Variants in APPL2 observed in about 807,000 individuals in gnomAD.
The protein encoded by APPL2 is adaptor protein, phosphotyrosine interacting with PH domain and leucine zipper 2.
APPL2 carries 84 observed loss-of-function variants against 92.7 expected under a neutral mutation model. The observed-to-expected ratio is 0.91, with a 90% CI of 0.76 to 1.09. The LOEUF (loss-of-function observed/expected upper bound fraction) is 1.09, where lower values mean the gene tolerates loss of function less well. APPL2 is among the 50% of genes least tolerant of loss of function. APPL2 has a pLI of 0.00. For missense variants in APPL2, 736 were observed against 824.5 expected (o/e 0.89, Z 1.31); for synonymous variants, 291 against 291.0 (o/e 1.00, Z 0.00).
intron 9 of APPL2, among the ~76,000 whole-genome samples, chr12:105,201,776 C>T (rs944771756): frequency 6.6e-6 from 1 of 152,032 alleles, no homozygotes; most frequent in Admixed American, 6.5e-5. Flanking sequence ...AGATATGAGC[C>T]GCAGAAAGGT....
At chr12:105,216,086 A>T (rs1276985584) in intron 4 of APPL2, among the ~76,000 whole-genome samples, 1 of 152,246 alleles carries the variant, frequency 6.6e-6, no homozygotes, top group East Asian at 1.9e-4. Context: ...AGTTCTGTCC[A>T]GCACTAGTAG....
At chr12:105,181,417 TTG>T (rs1653661594) in intron 17 of APPL2, among the ~76,000 whole-genome samples, 1 of 152,104 alleles carries the variant, frequency 6.6e-6, no homozygotes, top group Non-Finnish European at 1.5e-5. Context: ...TGCCCTGAAA[TTG>T]TGTTTTTTTA....
chr12:105,177,688 G>A (rs181902480), intron 17 of APPL2, among the ~76,000 whole-genome samples: 3 of 152,204 alleles, frequency 2.0e-5, no homozygotes, highest in Non-Finnish European at 2.9e-5. Context: ...ATGAGGTAGC[G>A]GTGACAAAAT....
Position 105,174,436 on chromosome 12 carries a change from G to A in APPL2, c.1873C>T (p.Leu625=). ...IIEVQKDPEA[L]AQLMLSIPLT... The stretch of plus-strand genomic sequence containing the variant: ...GGTATGGACAGCATTAATTGAGCCA[G>A]TGCTTCTGGATCCTGAAGTTAGGAG... Residue 625 remains leucine, a synonymous_variant, in exon 21 of 21, where the codon CTG becomes TTG. Coordinates refer to ENST00000258530, the MANE Select transcript of APPL2 (RefSeq NM_018171.5). 6.2e-7 allele frequency: 1 copy of A among 1,612,952 alleles called. No individual in the cohort carries two copies. Among genetic ancestry groups the A allele is most frequent in the Non-Finnish European group, 8.5e-7 (1 of 1,179,536 alleles).
chr12:105,220,785 G>A (rs1040311197), intron 2 of APPL2, among the ~76,000 whole-genome samples: 6 of 152,336 alleles, frequency 3.9e-5, no homozygotes, highest in Non-Finnish European at 7.3e-5. Flanking sequence ...GCACTCATGT[G>A]CCACTCACAC....
chr12:105,211,188 C>T (rs755677946), intron 5 of APPL2, 42 bp downstream of exon 5: 6 of 1,304,264 alleles, frequency 4.6e-6, no homozygotes, highest in Non-Finnish European at 6.7e-6. Context: ...ATGCATTACA[C>T]AATATTTTGA....
At chr12:105,214,998 G>A (rs942871058) in intron 4 of APPL2, among the ~76,000 whole-genome samples, 1 of 152,182 alleles carries the variant, frequency 6.6e-6, no homozygotes, top group African/African-American at 2.4e-5. Flanking sequence ...GAAGTTCCAC[G>A]CCGCCTCCCC....
chr12:105,190,173 C>G lies in APPL2; in HGVS notation c.1242-18G>C, dbSNP rs747539200. 1.2e-6 allele frequency: 2 copies of G among 1,610,362 alleles called. No individual in the cohort carries two copies. The highest frequency in any genetic ancestry group is 1.7e-6 in the Non-Finnish European group (2 of 1,178,818). On this transcript the variant is annotated intron_variant, in intron 14 of 20. Coordinates refer to ENST00000258530, the MANE Select transcript of APPL2 (RefSeq NM_018171.5). Reference sequence around the variant, plus strand: ...GGTTCTGGCTGAAGGGGAAAAAAATCAATTCCCTTAACCTTACGCTTTTAT... The same window carrying G: ...GGTTCTGGCTGAAGGGGAAAAAAATGAATTCCCTTAACCTTACGCTTTTAT...
Position 105,211,392 on chromosome 12 carries a change from A to T in APPL2, c.286-75T>A, listed in dbSNP as rs1308255785. ...TGACATAGTCTCATTTCACCAAGGA[A>T]TCACACTGAACACTTCCGTGTGGTC... On this transcript the variant is annotated intron_variant, in intron 4 of 20. Coordinates refer to ENST00000258530, the MANE Select transcript of APPL2 (RefSeq NM_018171.5). 5 of 1,111,690 alleles carry T rather than the reference A, an allele frequency of 4.5e-6. No individual in the cohort carries two copies. The African/African-American group carries it at 7.8e-5, about 17-fold the overall frequency. 68.9% of individuals were successfully genotyped at this position (1,111,690 alleles called of 1,614,324 possible).
At chr12:105,227,511 C>A (rs1277325984) in intron 2 of APPL2, among the ~76,000 whole-genome samples, 3 of 152,166 alleles carry the variant, frequency 2.0e-5, no homozygotes, top group Non-Finnish European at 1.5e-5. Flanking sequence ...ACGCACCCTG[C>A]GCCTCTTCCT....
At chr12:105,176,131 A>G (rs1851671423) in intron 19 of APPL2, 49 bp from the exon 20 acceptor site, 3 of 1,518,016 alleles carry the variant, frequency 2.0e-6, no homozygotes, top group Non-Finnish European at 2.7e-6. Context: ...AGAAGGATAA[A>G]ATTTTAGAAC....
At chr12:105,213,807 A>T (rs1338116627) in intron 4 of APPL2, among the ~76,000 whole-genome samples, 1 of 152,120 alleles carries the variant, frequency 6.6e-6, no homozygotes, top group Non-Finnish European at 1.5e-5. Context: ...AACTGCTATC[A>T]CTTTCTGGGT....
At position 105,174,357 on chromosome 12, in the gene APPL2, T is replaced by C; in HGVS notation, c.1952A>G (p.Asp651Gly). Reference protein sequence around the residue: ...VLLNDQPDDDDGNPNEHRGAE... With the variant: ...VLLNDQPDDDGGNPNEHRGAE... The stretch of plus-strand genomic sequence containing the variant: ...GCCTCTATGTTCGTTTGGATTTCCA[T>C]CATCGTCATCTGGTTGATCGTTTAA... Residue 651 changes from aspartate to glycine, a missense_variant, in exon 21 of 21, where the codon GAT (aspartate) becomes GGT (glycine). Coordinates refer to ENST00000258530, the MANE Select transcript of APPL2 (RefSeq NM_018171.5). 6.2e-7 allele frequency: 1 copy of C among 1,614,024 alleles called. No homozygotes were observed. Among genetic ancestry groups the C allele is most frequent in the Non-Finnish European group, 8.5e-7 (1 of 1,179,914 alleles).
chr12:105,195,558 A>C (rs1472968533), intron 12 of APPL2, 27 bp downstream of exon 12: 1 of 1,614,244 alleles, frequency 6.2e-7, no homozygotes, highest in East Asian at 2.2e-5. Context: ...CACGTTAGGA[A>C]AGAAATATGA....
rs1036640753 is a variant in APPL2, at chr12:105,236,114, C to T, written c.-102G>A. ...GCTCTGGGCTCAGGCGACGCGGCGG[C>T]CACTCCGTGCCCGCGGCGGCCCCGC... On this transcript the variant is annotated 5_prime_UTR_variant, in exon 1 of 21. Coordinates refer to ENST00000258530, the MANE Select transcript of APPL2 (RefSeq NM_018171.5). The T allele has an allele frequency of 4.1e-4, 349 of 841,904 alleles. 1 individual carries two copies. The highest frequency in any genetic ancestry group is 5.0e-4 in the Non-Finnish European group (327 of 650,632). 52.2% of individuals were successfully genotyped at this position (841,904 alleles called of 1,614,324 possible). A position where few individuals can be genotyped will look rare whatever the true frequency, so the allele number is the denominator to read the frequency against.
At chr12:105,191,273 G>C (rs532468447) in intron 14 of APPL2, among the ~76,000 whole-genome samples, 1 of 152,274 alleles carries the variant, frequency 6.6e-6, no homozygotes, top group African/African-American at 2.4e-5. Context: ...GAGAAATTGA[G>C]CAGTTTTGAA....
Position 105,195,606 on chromosome 12 carries a change from C to G in APPL2, c.1074G>C (p.Glu358Asp), listed in dbSNP as rs140500827. ...TTACCTCTTCATTTTCCTTTCTGCT[C>G]TCAGCCTGGAGGATTATTCCCCTGA... ...NGKSGIILQAESRKENEEWIC... is the reference protein window; with the variant it reads ...NGKSGIILQADSRKENEEWIC... The change falls in exon 12 of 21, where the codon GAG becomes GAC. Residue 358 changes from glutamate to aspartate, a missense_variant. By Grantham distance (45) the Glu-to-Asp change is conservative (BLOSUM62 2). Transcript: ENST00000258530. 7.8e-4 allele frequency: 1,264 copies of G among 1,614,220 alleles called. 1 individual carries two copies. The highest frequency in any genetic ancestry group is 1.0e-3 in the Non-Finnish European group (1,192 of 1,180,036).
At chr12:105,189,960 T>A in intron 15 of APPL2, 31 bp downstream of exon 15, 3 of 1,612,192 alleles carry the variant, frequency 1.9e-6, no homozygotes, top group Non-Finnish European at 2.5e-6. Flanking sequence ...TACTTTCAGT[T>A]CTCCCAGAGA....
intron 11 of APPL2, among the ~76,000 whole-genome samples, chr12:105,197,016 T>C (rs1887706596): frequency 6.6e-6 from 1 of 152,084 alleles, no homozygotes; most frequent in Non-Finnish European, 1.5e-5. Flanking sequence ...ACCCCTGCTG[T>C]TCAGGTCAAA....
Sources: allele counts gnomAD v4.1 joint callset (sites outside exome capture counted in the v4.1 genomes callset), GRCh38; gene constraint gnomAD v4.1.1; transcripts MANE v1.5; gene names NCBI Gene and HGNC (gene_info 2026-07-23, HGNC 2026-07-21).